Variants in PGAP4 observed in about 807,000 individuals in gnomAD.
PGAP4 encodes the protein GPI-N-acetylgalactosamine transferase PGAP4.
PGAP4 carries 12 observed loss-of-function variants against 28.2 expected under a neutral mutation model. The ratio of observed to expected loss-of-function variants is 0.42; its 90% CI spans 0.27 to 0.69. PGAP4 has a LOEUF of 0.69. Among genes scored for constraint, PGAP4 ranks in the 30% least tolerant of loss-of-function variants. The pLI, the probability that PGAP4 is intolerant of heterozygous loss-of-function variation, is 0.22. For missense variants in PGAP4, 425 were observed against 513.5 expected (o/e 0.83, Z 1.67); for synonymous variants, 205 against 211.8 (o/e 0.97, Z 0.28).
At chr9:101,504,795 C>G (rs1826835748) in intron 2 of PGAP4, among the ~76,000 whole-genome samples, 1 of 151,986 alleles carries the variant, frequency 6.6e-6, no homozygotes, top group Non-Finnish European at 1.5e-5. Flanking sequence ...TACTTTTATT[C>G]TAATGGGCTA....
At chr9:101,488,896 G>T (rs946866859), upstream of PGAP4, among the ~76,000 whole-genome samples, 3 of 152,094 alleles carry the variant, frequency 2.0e-5, no homozygotes, top group Non-Finnish European at 2.9e-5. Context: ...ATTCAGCTAT[G>T]AACAAAACCA....
intron 2 of PGAP4, among the ~76,000 whole-genome samples, chr9:101,529,725 C>T (rs368682715): frequency 4.3e-4 from 66 of 152,014 alleles, no homozygotes; most frequent in African/African-American, 1.5e-3. Context: ...AAAGGTGTGG[C>T]GAGGGTGAAT....
intron 2 of PGAP4, among the ~76,000 whole-genome samples, chr9:101,528,680 G>A (rs952973298): frequency 6.6e-6 from 1 of 151,794 alleles, no homozygotes; most frequent in Non-Finnish European, 1.5e-5. Flanking sequence ...AAACACAAAA[G>A]CATCATAGAA....
intron 1 of PGAP4, among the ~76,000 whole-genome samples, chr9:101,477,639 T>C (rs1393815448): frequency 3.3e-5 from 5 of 152,140 alleles, no homozygotes; most frequent in Non-Finnish European, 5.9e-5. Context: ...TATAGCAATT[T>C]CCAAAAAAAA....
chr9:101,488,855 C>A (rs1039312558), upstream of PGAP4, among the ~76,000 whole-genome samples: 1 of 152,140 alleles, frequency 6.6e-6, no homozygotes, highest in African/African-American at 2.4e-5. Flanking sequence ...ACAGAAAGTT[C>A]TATGAGATAG....
intron 1 of PGAP4, among the ~76,000 whole-genome samples, chr9:101,477,630 A>G (rs1826365534): frequency 6.6e-6 from 1 of 152,228 alleles, no homozygotes; most frequent in Non-Finnish European, 1.5e-5. Context: ...AACTGTGCAT[A>G]TAGCAATTTC....
chr9:101,497,395 C>A (rs1264123907), intron 2 of PGAP4, among the ~76,000 whole-genome samples: 1 of 151,634 alleles, frequency 6.6e-6, no homozygotes, highest in East Asian at 1.9e-4. Flanking sequence ...AAGTTAAATA[C>A]ATGAGTATTA....
At chr9:101,485,856 T>C (rs1267299309) in intron 1 of PGAP4, among the ~76,000 whole-genome samples, 1 of 152,142 alleles carries the variant, frequency 6.6e-6, no homozygotes, top group East Asian at 1.9e-4. Flanking sequence ...ATTCTAATAA[T>C]GTTGATTTTC....
In PGAP4 at chr9:101,474,990, T is replaced by A. The variant is rs552039669; in HGVS notation, c.*891A>T. On this transcript the variant is annotated 3_prime_UTR_variant, in exon 2 of 2. Coordinates refer to ENST00000374848, the MANE Select transcript of PGAP4 (RefSeq NM_032342.3). Reference sequence around the variant, plus strand: ...GGTCTTCTGACTTCAGTCCATGATTTTTTTTTTTTTTTTTCTATAACATCA... The same window carrying A: ...GGTCTTCTGACTTCAGTCCATGATTATTTTTTTTTTTTTTCTATAACATCA... The A allele has an allele frequency of 1.2e-4, 18 of 150,956 alleles. No individual in the cohort carries two copies. Among genetic ancestry groups the A allele is most frequent in the African/African-American group, 4.2e-4 (17 of 40,778 alleles). 9.4% of individuals were successfully genotyped at this position (150,956 alleles called of 1,614,324 possible). A position where few individuals can be genotyped will look rare whatever the true frequency, so the allele number is the denominator to read the frequency against.
At chr9:101,511,626 G>A (rs1038607658) in intron 2 of PGAP4, among the ~76,000 whole-genome samples, 1 of 152,032 alleles carries the variant, frequency 6.6e-6, no homozygotes, top group African/African-American at 2.4e-5. Flanking sequence ...AATGGTATTG[G>A]TAAGATGATA....
intron 2 of PGAP4, among the ~76,000 whole-genome samples, chr9:101,503,468 A>C (rs1044209138): frequency 6.6e-6 from 1 of 152,096 alleles, no homozygotes; most frequent in Non-Finnish European, 1.5e-5. Context: ...TGTTAAAATC[A>C]TAAGGTTATA....
chr9:101,485,113 G>GTA (rs139757582), intron 1 of PGAP4, among the ~76,000 whole-genome samples: 22,366 of 151,820 alleles, frequency 0.15, 2,195 homozygotes, highest in East Asian at 0.36. Flanking sequence ...ATTAAATGAT[G>GTA]TATATATATA....
chr9:101,483,477 C>T (rs1826541877), intron 1 of PGAP4, among the ~76,000 whole-genome samples: 1 of 152,090 alleles, frequency 6.6e-6, no homozygotes, highest in South Asian at 2.1e-4. Context: ...CAGACTGTGT[C>T]CAGAACCCAC....
intron 1 of PGAP4, among the ~76,000 whole-genome samples, chr9:101,483,274 A>C (rs1360266049): frequency 1.3e-5 from 2 of 152,232 alleles, no homozygotes; most frequent in African/African-American, 4.8e-5. Context: ...TGGTAGTATC[A>C]AAGAGCTGGT....
At position 101,476,144 on chromosome 9, in the gene PGAP4, G is replaced by A. The variant is rs766828805; in HGVS notation, c.949C>T (p.Arg317Trp). ...CTGTACAGGGAAGGACTCAGCCGCCGCAGTTCCAGGAAATAGTGCCGACCC... is the reference window on the plus strand; with the variant it reads ...CTGTACAGGGAAGGACTCAGCCGCCACAGTTCCAGGAAATAGTGCCGACCC... ...LVGRHYFLELRRLSPSLYSVV... is the reference protein window; with the variant it reads ...LVGRHYFLELWRLSPSLYSVV... Residue 317 changes from arginine to tryptophan, a missense_variant, in exon 2 of 2, where the codon CGG (arginine) becomes TGG (tryptophan). By Grantham distance (101) the Arg-to-Trp change is moderately radical. Transcript: ENST00000374848. The surrounding 1 kb of genome is among the most constrained non-coding windows in gnomAD (Gnocchi z 7.0). The A allele has an allele frequency of 1.5e-5, 24 of 1,614,066 alleles. No homozygotes were observed. Among genetic ancestry groups the A allele is most frequent in the Non-Finnish European group, 1.9e-5 (22 of 1,179,988 alleles).
At chr9:101,483,764 A>G (rs1826547784) in intron 1 of PGAP4, among the ~76,000 whole-genome samples, 1 of 152,226 alleles carries the variant, frequency 6.6e-6, no homozygotes, top group South Asian at 2.1e-4. Flanking sequence ...GTCAAAAGGG[A>G]AAAAAATAAG....
chr9:101,488,891 G>C (rs1373657544), upstream of PGAP4, among the ~76,000 whole-genome samples: 1 of 152,116 alleles, frequency 6.6e-6, no homozygotes, highest in Non-Finnish European at 1.5e-5. Context: ...TAAGGATTCA[G>C]CTATGAACAA....
Position 101,477,182 on chromosome 9 carries a change from G to A in PGAP4, c.-77-13C>T. The A allele has an allele frequency of 6.9e-7, 1 of 1,451,492 alleles. No individual in the cohort carries two copies. Among genetic ancestry groups the A allele is most frequent in the Non-Finnish European group, 9.1e-7 (1 of 1,103,104 alleles). The allele number at this position is 1,451,492 out of a possible 1,614,324, so 89.9% of individuals were successfully genotyped here. The stretch of plus-strand genomic sequence containing the variant: ...TCAGAAATCAAACCTAAAGAGAGAG[G>A]AAGTAGGGAATGGTAAGAGTAACTT... On this transcript the variant is annotated splice_polypyrimidine_tract_variant and intron_variant, in intron 1 of 1. Transcript: ENST00000374848.
At chr9:101,480,723 T>C (rs1369267515) in intron 1 of PGAP4, 1 of 152,232 alleles carries the variant, frequency 6.6e-6, no homozygotes, top group Non-Finnish European at 1.5e-5. Flanking sequence ...GATGACTGCT[T>C]TGCTGAAAAT....
Sources: gnomAD v4.1 joint callset for allele counts (sites outside exome capture counted in the v4.1 genomes callset) on GRCh38, gnomAD v4.1.1 for gene constraint, Gnocchi (gnomAD v3.1) non-coding constraint, MANE v1.5 for transcripts, NCBI Gene and HGNC (gene_info 2026-07-23, HGNC 2026-07-21) for gene names.